Variants in PDE4D observed in about 807,000 individuals in gnomAD.
The protein encoded by PDE4D is phosphodiesterase 4D, also known as 3',5'-cyclic-AMP phosphodiesterase 4D.
In PDE4D, 24 loss-of-function variants were observed where a neutral mutation model predicts 87.4. The observed-to-expected ratio is 0.27, with a 90% CI of 0.20 to 0.39. PDE4D has a LOEUF of 0.39. Ranked by LOEUF, PDE4D falls within the 10% of genes least tolerant of loss-of-function variation. The probability of loss-of-function intolerance (pLI) is 1.00; values close to 1 mark genes in which losing one functional copy is unlikely to be tolerated. For synonymous variants in PDE4D, 384 were observed against 383.2 expected (o/e 1.00, Z -0.02); for missense variants, 714 against 1,041.0 (o/e 0.69, Z 4.32).
intron 12 of PDE4D, among the ~76,000 whole-genome samples, chr5:58,976,761 GT>G (rs886515907): frequency 6.6e-6 from 1 of 152,150 alleles, no homozygotes; most frequent in Non-Finnish European, 1.5e-5. Flanking sequence ...AAGTTTATAA[GT>G]TTTTGAAAGC....
chr5:59,925,178 A>AAAAAAAAAAAAAG lies in PDE4D; in HGVS notation c.272+63309_272+63310insCTTTTTTTTTTTT, dbSNP rs1755116053. Reference sequence around the variant, plus strand: ...CAACAGAGCGAGACTGCATCTCAAAAAAAAAAGAAACAATGAAAGTTAAAA... The same window carrying AAAAAAAAAAAAAG: ...CAACAGAGCGAGACTGCATCTCAAAAAAAAAAAAAAAAGAAAAAAGAAACAATGAAAGTTAAAA... On this transcript the variant is annotated intron_variant, in intron 3 of 16. Coordinates refer to the PDE4D transcript ENST00000502484. 1.3e-5 allele frequency among the ~76,000 whole-genome samples: 2 copies of AAAAAAAAAAAAAG among 151,378 alleles called. 1 individual carries two copies. The highest frequency in any genetic ancestry group is 2.9e-5 in the Non-Finnish European group (2 of 67,864).
intron 1 of PDE4D, among the ~76,000 whole-genome samples, chr5:60,231,246 T>C (rs918128683): frequency 6.6e-6 from 1 of 152,126 alleles, no homozygotes; most frequent in Admixed American, 6.6e-5. Flanking sequence ...GTCCTAGCTA[T>C]AGTGATTAGT....
intron 1 of PDE4D, among the ~76,000 whole-genome samples, chr5:59,668,864 G>GAAA (rs1746636147): frequency 1.4e-5 from 1 of 71,624 alleles, no homozygotes; most frequent in Non-Finnish European, 2.6e-5. Context: ...AGAAGAAGAA[G>GAAA]AAGAAGAAGA....
At chr5:60,066,587 C>A (rs2078091164) in intron 2 of PDE4D, among the ~76,000 whole-genome samples, 1 of 87,664 alleles carries the variant, frequency 1.1e-5, no homozygotes, top group African/African-American at 4.9e-5. Context: ...CTTCCTAAAG[C>A]AAATTATCAT....
In PDE4D at chr5:59,637,301, T is replaced by C. The variant is rs1415957601; in HGVS notation, c.455+255867A>G. ...AATGCTTTTACACTGTTGGTGGGAGTGTAAATTGGTTCAACCATCGTGGAA... is the reference window on the plus strand; with the variant it reads ...AATGCTTTTACACTGTTGGTGGGAGCGTAAATTGGTTCAACCATCGTGGAA... On this transcript the variant is annotated intron_variant, in intron 1 of 14. Transcript: ENST00000340635. 2.6e-5 allele frequency among the ~76,000 whole-genome samples: 4 copies of C among 151,834 alleles called. No homozygotes were observed. In the South Asian group the frequency reaches 8.3e-4, roughly 32 times the overall value.
chr5:59,639,812 AGT>A (rs70975323), intron 1 of PDE4D, among the ~76,000 whole-genome samples: 1,773 of 143,666 alleles, frequency 0.012, 16 homozygotes, highest in South Asian at 0.026. Context: ...TAGTGTCTAT[AGT>A]GTGTGTGTGT....
intron 1 of PDE4D, among the ~76,000 whole-genome samples, chr5:59,338,974 T>C (rs1003554144): frequency 1.3e-5 from 2 of 152,236 alleles, no homozygotes; most frequent in African/African-American, 4.8e-5. Context: ...TTGTTCATTA[T>C]GTAACCAGTG....
chr5:59,867,136 A>C (rs1349315502), intron 1 of PDE4D, among the ~76,000 whole-genome samples: 1 of 152,172 alleles, frequency 6.6e-6, no homozygotes, highest in African/African-American at 2.4e-5. Flanking sequence ...TAAGAAAGGA[A>C]GCTTACTTAA....
chr5:59,578,567 T>C (rs981255647), intron 1 of PDE4D, among the ~76,000 whole-genome samples: 4 of 152,190 alleles, frequency 2.6e-5, no homozygotes, highest in South Asian at 2.1e-4. Context: ...TTTTTCCAAC[T>C]TGTTTGACTG....
At chr5:59,612,454 A>G (rs1309549855) in intron 1 of PDE4D, among the ~76,000 whole-genome samples, 1 of 152,180 alleles carries the variant, frequency 6.6e-6, no homozygotes, top group African/African-American at 2.4e-5. Flanking sequence ...TTATTTATCT[A>G]TTCAACAAAT....
intron 1 of PDE4D, among the ~76,000 whole-genome samples, chr5:59,424,292 T>C (rs1308706671): frequency 2.0e-5 from 3 of 152,162 alleles, no homozygotes; most frequent in Non-Finnish European, 1.5e-5. Flanking sequence ...TAGAACAAAT[T>C]CTGAGGATAA....
At chr5:59,102,997 T>C (rs1168429485) in intron 5 of PDE4D, among the ~76,000 whole-genome samples, 1 of 152,148 alleles carries the variant, frequency 6.6e-6, no homozygotes, top group African/African-American at 2.4e-5. Flanking sequence ...AGTTTCTGAC[T>C]CCATATATGT....
At chr5:60,018,128 T>A (rs1181441560) in intron 2 of PDE4D, among the ~76,000 whole-genome samples, 2 of 151,892 alleles carry the variant, frequency 1.3e-5, no homozygotes, top group African/African-American at 4.8e-5. Context: ...TCCATCAGAT[T>A]AACAGCAGAC....
At chr5:59,348,901 G>A (rs776325734) in intron 1 of PDE4D, among the ~76,000 whole-genome samples, 18 of 151,834 alleles carry the variant, frequency 1.2e-4, no homozygotes, top group Non-Finnish European at 2.2e-4. Context: ...AGACAAACCC[G>A]GGCAAAACAG....
In PDE4D at chr5:59,575,947, G is replaced by C. The variant is rs371031291; in HGVS notation, c.455+317221C>G. On this transcript the variant is annotated intron_variant, in intron 1 of 14. Coordinates refer to ENST00000340635, the MANE Select transcript of PDE4D (RefSeq NM_001104631.2). ...CCTCATAATTCAAACTTAACCCAAGGTATTGTCCCTGTATTTACTGAACAA... is the reference window on the plus strand; with the variant it reads ...CCTCATAATTCAAACTTAACCCAAGCTATTGTCCCTGTATTTACTGAACAA... 1.2e-4 allele frequency among the ~76,000 whole-genome samples: 18 copies of C among 152,082 alleles called. No homozygotes were observed. The East Asian group carries it at 1.5e-3, about 13-fold the overall frequency.
At chr5:59,272,490 T>C (rs1352202538) in intron 1 of PDE4D, among the ~76,000 whole-genome samples, 1 of 152,058 alleles carries the variant, frequency 6.6e-6, no homozygotes, top group African/African-American at 2.4e-5. Context: ...TTTATGAGCA[T>C]AAGAAAATAT....
At chr5:60,082,620 C>A (rs1774076426) in intron 2 of PDE4D, among the ~76,000 whole-genome samples, 1 of 152,068 alleles carries the variant, frequency 6.6e-6, no homozygotes, top group African/African-American at 2.4e-5. Flanking sequence ...TTACAGGCAT[C>A]ATTTGTGCTC....
chr5:59,784,183 C>T (rs1349883433), intron 1 of PDE4D, among the ~76,000 whole-genome samples: 1 of 151,596 alleles, frequency 6.6e-6, no homozygotes, highest in Non-Finnish European at 1.5e-5. Context: ...TCCCATAACC[C>T]ACAGCTCTCC....
In PDE4D at chr5:59,515,460, G is replaced by C. The variant is rs1220911780; in HGVS notation, c.456-299492C>G. ...GCCAGTCAATAAATCATTTTAAAAA[G>C]TGGTATAAAATATAGAGTATAAAAA... On this transcript the variant is annotated intron_variant, in intron 1 of 14. Transcript: ENST00000340635. 2.0e-5 allele frequency among the ~76,000 whole-genome samples: 3 copies of C among 152,230 alleles called. No individual in the cohort carries two copies. The East Asian group carries it at 5.8e-4, about 29-fold the overall frequency.
Sources: gnomAD v4.1 joint callset for allele counts (sites outside exome capture counted in the v4.1 genomes callset) on GRCh38, gnomAD v4.1.1 for gene constraint, MANE v1.5 for transcripts, NCBI Gene and HGNC (gene_info 2026-07-23, HGNC 2026-07-21) for gene names.